C4orf51: variants seen among roughly 807,000 people sequenced by gnomAD.
C4orf51 encodes uncharacterized protein C4orf51.
C4orf51 carries 25 observed loss-of-function variants against 25.2 expected under a neutral mutation model. The observed-to-expected ratio is 0.99, with a 90% CI of 0.72 to 1.39. The LOEUF (loss-of-function observed/expected upper bound fraction) is 1.39. Among genes scored for constraint, C4orf51 ranks in the 40% most tolerant of loss-of-function variants. The pLI, the probability that C4orf51 is intolerant of heterozygous loss-of-function variation, is 0.00. For missense variants in C4orf51, 252 were observed against 239.6 expected (o/e 1.05, Z -0.34); for synonymous variants, 100 against 84.5 (o/e 1.18, Z -1.01).
chr4:145,728,727 A>G (rs1246256946), intron 3 of C4orf51, among the ~76,000 whole-genome samples: 2 of 152,238 alleles, frequency 1.3e-5, no homozygotes, highest in African/African-American at 2.4e-5. Flanking sequence ...AAGTAGGTGA[A>G]TTTGCAAACA....
intron 2 of C4orf51, among the ~76,000 whole-genome samples, chr4:145,721,156 C>G (rs991799782): frequency 6.6e-6 from 1 of 151,478 alleles, no homozygotes; most frequent in Non-Finnish European, 1.5e-5. Flanking sequence ...ACCAGCCTGG[C>G]CAATATGGTG....
Position 145,680,436 on chromosome 4 carries a change from A to C in C4orf51, c.233A>C (p.Gln78Pro). ...GGACAGCATGAGCCTGAGTGTAAACAGTAAGATTTCTTTGTAATTTGCACC... is the reference window on the plus strand; with the variant it reads ...GGACAGCATGAGCCTGAGTGTAAACCGTAAGATTTCTTTGTAATTTGCACC... ...RAGQHEPECK[Q>P]MSLTNSSACH... is the part of the protein sequence containing the mutation. Residue 78 changes from glutamine to proline, a missense_variant and splice_region_variant, in exon 1 of 6, where the codon CAG (glutamine) becomes CCG (proline). Gln to Pro is a moderately conservative substitution (Grantham distance 76). Transcript: ENST00000438731. 6.2e-7 allele frequency: 1 copy of C among 1,611,250 alleles called. No homozygotes were observed. The highest frequency in any genetic ancestry group is 1.1e-5 in the South Asian group (1 of 90,864).
chr4:145,761,022 G>C lies in C4orf51; in HGVS notation n.167-9966G>C, dbSNP rs1273674056. 4 of 1,281,234 alleles carry C rather than the reference G, an allele frequency of 3.1e-6. No individual in the cohort carries two copies. The highest frequency in any genetic ancestry group is 3.1e-6 in the Non-Finnish European group (3 of 983,366). 79.4% of individuals were successfully genotyped at this position (1,281,234 alleles called of 1,614,324 possible). ...GTGCCAGGTTGGGCTCTGAGCTGCT[G>C]CCGTGGGCTGCCGACAGGGCCACGG... is the stretch of plus-strand genomic sequence containing the variant. On this transcript the variant is annotated intron_variant and non_coding_transcript_variant, in intron 1 of 1. Coordinates refer to the C4orf51 transcript ENST00000510096. This position sits in a 1 kb window ranked among gnomAD's most constrained non-coding sequence, Gnocchi z 6.8.
intron 2 of C4orf51, among the ~76,000 whole-genome samples, chr4:145,702,511 T>C (rs943129790): frequency 1.3e-5 from 2 of 152,136 alleles, no homozygotes; most frequent in Admixed American, 6.5e-5. Flanking sequence ...TCCTCATCTG[T>C]TAGTCATACT....
At chr4:145,781,414 T>TATA in the C4orf51 span, among the ~76,000 whole-genome samples, 3 of 151,958 alleles carry the variant, frequency 2.0e-5, no homozygotes, top group African/African-American at 7.3e-5. Flanking sequence ...CAAATATGAA[T>TATA]ATATGTCTGG....
In C4orf51 at chr4:145,765,815, T is replaced by G; in HGVS notation, n.167-5173T>G. ...ATTATAGCAACTGAGGGTGACGAGTTGAGTCTCATGGATGCATCATCATTC... is the reference window on the plus strand; with the variant it reads ...ATTATAGCAACTGAGGGTGACGAGTGGAGTCTCATGGATGCATCATCATTC... On this transcript the variant is annotated intron_variant and non_coding_transcript_variant, in intron 1 of 1. Coordinates refer to the C4orf51 transcript ENST00000510096. This position sits in a 1 kb window ranked among gnomAD's most constrained non-coding sequence, Gnocchi z 4.7. 1 of 1,445,236 alleles carries G rather than the reference T, an allele frequency of 6.9e-7. No homozygotes were observed. The highest frequency in any genetic ancestry group is 9.4e-7 in the Non-Finnish European group (1 of 1,059,462). 89.5% of individuals were successfully genotyped at this position (1,445,236 alleles called of 1,614,324 possible).
At chr4:145,692,140 A>G (rs1729617737) in intron 1 of C4orf51, among the ~76,000 whole-genome samples, 1 of 152,240 alleles carries the variant, frequency 6.6e-6, no homozygotes, top group African/African-American at 2.4e-5. Context: ...AGTACTTTTC[A>G]TAATAGCCAA....
the C4orf51 span, among the ~76,000 whole-genome samples, chr4:145,790,869 G>C: frequency 6.6e-6 from 1 of 152,032 alleles, no homozygotes. Flanking sequence ...CCTGACCTTG[G>C]GTTTTAGCAC....
chr4:145,722,614 T>A (rs2126752631), intron 2 of C4orf51, among the ~76,000 whole-genome samples: 1 of 152,346 alleles, frequency 6.6e-6, no homozygotes, highest in Non-Finnish European at 1.5e-5. Context: ...CCTTATATTT[T>A]TGAGACACTT....
chr4:145,776,016 A>G (rs1737032461), downstream of C4orf51: 2 of 1,599,578 alleles, frequency 1.3e-6, no homozygotes, highest in Non-Finnish European at 1.7e-6. Context: ...GGAAGTCCCA[A>G]CACCTTGCAA....
At chr4:145,744,850 C>T (rs575259759) in intron 1 of C4orf51, among the ~76,000 whole-genome samples, 1 of 134,578 alleles carries the variant, frequency 7.4e-6, no homozygotes, top group Non-Finnish European at 1.6e-5. Flanking sequence ...GAAACTCTGT[C>T]TCAAAAAAAA....
intron 2 of C4orf51, among the ~76,000 whole-genome samples, chr4:145,699,357 C>G (rs949476628): frequency 6.9e-6 from 1 of 144,142 alleles, no homozygotes; most frequent in African/African-American, 2.6e-5. Flanking sequence ...GAGAAAGATC[C>G]ACCTACGACC....
chr4:145,684,296 C>T (rs1729009515), intron 1 of C4orf51, among the ~76,000 whole-genome samples: 1 of 152,100 alleles, frequency 6.6e-6, no homozygotes, highest in African/African-American at 2.4e-5. Context: ...ACCTGGCTAA[C>T]ATGGTGAAAC....
chr4:145,753,720 C>T (rs1028478765), intron 1 of C4orf51, among the ~76,000 whole-genome samples: 1 of 152,272 alleles, frequency 6.6e-6, no homozygotes, highest in Non-Finnish European at 1.5e-5. Flanking sequence ...TTGAGGCTGC[C>T]TGCAGAGGCC....
At chr4:145,739,238 G>A (rs140626141) in intron 1 of C4orf51, among the ~76,000 whole-genome samples, 1 of 152,330 alleles carries the variant, frequency 6.6e-6, no homozygotes, top group Non-Finnish European at 1.5e-5. Context: ...CAGATGAGTT[G>A]TCATGTATAG....
Position 145,716,105 on chromosome 4 carries a change from T to C in C4orf51, c.308-10806T>C, listed in dbSNP as rs183737077. On this transcript the variant is annotated intron_variant, in intron 2 of 5. Coordinates refer to ENST00000438731, the MANE Select transcript of C4orf51 (RefSeq NM_001080531.3). ...ACCCCCCCAAATTATCTATTATCTA[T>C]TATCAAAATTGTCTATTAATTAGGG... Among the ~76,000 whole-genome samples, 29 of 152,348 alleles carry C rather than the reference T, an allele frequency of 1.9e-4. No homozygotes were observed. In the East Asian group the frequency reaches 1.9e-3, roughly 10 times the overall value.
At chr4:145,703,496 G>C (rs190733082) in intron 2 of C4orf51, among the ~76,000 whole-genome samples, 1 of 152,124 alleles carries the variant, frequency 6.6e-6, no homozygotes, top group African/African-American at 2.4e-5. Flanking sequence ...TCACACGGAC[G>C]CGCATGAAAC....
At chr4:145,786,306 C>T in the C4orf51 span, among the ~76,000 whole-genome samples, 1 of 152,130 alleles carries the variant, frequency 6.6e-6, no homozygotes, top group East Asian at 1.9e-4. Flanking sequence ...CTCAAAGAAC[C>T]ATCTCTCAAC....
At chr4:145,685,689 C>T (rs1212937386) in intron 1 of C4orf51, among the ~76,000 whole-genome samples, 1 of 152,172 alleles carries the variant, frequency 6.6e-6, no homozygotes, top group Non-Finnish European at 1.5e-5. Flanking sequence ...CTACCAGGCC[C>T]AGGGTGTGGC....
Sources: allele counts gnomAD v4.1 joint callset (sites outside exome capture counted in the v4.1 genomes callset), GRCh38; gene constraint gnomAD v4.1.1; non-coding constraint Gnocchi (gnomAD v3.1); transcripts MANE v1.5; gene names NCBI Gene and HGNC (gene_info 2026-07-23, HGNC 2026-07-21).